MLLT1: variants seen among roughly 807,000 people sequenced by gnomAD.
MLLT1 encodes the protein MLLT1 super elongation complex subunit, also known as protein ENL.
A neutral mutation model predicts 55.1 loss-of-function variants in MLLT1; 11 were observed. The ratio of observed to expected loss-of-function variants is 0.20; its 90% CI spans 0.13 to 0.33. The LOEUF is 0.33. MLLT1 is among the 10% of genes least tolerant of loss of function. The pLI, the probability that MLLT1 is intolerant of heterozygous loss-of-function variation, is 1.00. For missense variants in MLLT1, 536 were observed against 760.6 expected (o/e 0.70, Z 3.47); for synonymous variants, 323 against 320.1 (o/e 1.01, Z -0.10).
intron 2 of MLLT1, among the ~76,000 whole-genome samples, chr19:6,268,837 A>C (rs2144956188): frequency 6.6e-6 from 1 of 152,330 alleles, no homozygotes; most frequent in Admixed American, 6.5e-5. Flanking sequence ...CAAACAAAAA[A>C]CAAAACAAAA....
chr19:6,215,685 G>C (rs1161639705), intron 8 of MLLT1, among the ~76,000 whole-genome samples: 4 of 152,224 alleles, frequency 2.6e-5, no homozygotes, highest in African/African-American at 9.6e-5. Flanking sequence ...GTCTCCAGTA[G>C]GAGCCACTGA....
intron 3 of MLLT1, among the ~76,000 whole-genome samples, chr19:6,238,173 G>A (rs562569554): frequency 3.9e-5 from 6 of 152,324 alleles, no homozygotes; most frequent in South Asian, 2.1e-4. Context: ...TTTAAAAGAC[G>A]TATGTCCACA....
chr19:6,230,473 GC>G lies in MLLT1; in HGVS notation c.420+96del. On this transcript the variant is annotated intron_variant, in intron 4 of 11. Coordinates refer to ENST00000252674, the MANE Select transcript of MLLT1 (RefSeq NM_005934.4). The surrounding 1 kb of genome is among the most constrained non-coding windows in gnomAD (Gnocchi z 9.0). ...CGTGTGACCTGCGCCTTGGGTCTCG[GC>G]CCCCAGCACCGACACCTCTGGCTGG... is the stretch of plus-strand genomic sequence containing the variant. 4 of 1,473,304 alleles carry G rather than the reference GC, an allele frequency of 2.7e-6. No homozygotes were observed. Among genetic ancestry groups the G allele is most frequent in the Non-Finnish European group, 3.7e-6 (4 of 1,089,984 alleles). 91.3% of individuals were successfully genotyped at this position (1,473,304 alleles called of 1,614,324 possible). A position where few individuals can be genotyped will look rare whatever the true frequency, so the allele number is the denominator to read the frequency against.
rs1406511841 is a variant in MLLT1 at position 6,273,342 on chromosome 19, A to T, written c.13-2583T>A. ...CCCGAGGGTGGAGGACATTCAGGTA[A>T]CCCCAAGATCCGGGCAGCAGGGACA... On this transcript the variant is annotated intron_variant, in intron 1 of 11. Coordinates refer to ENST00000252674, the MANE Select transcript of MLLT1 (RefSeq NM_005934.4). The surrounding 1 kb of genome is among the most constrained non-coding windows in gnomAD (Gnocchi z 4.3). Among the ~76,000 whole-genome samples, 1 of 152,060 alleles carries T rather than the reference A, an allele frequency of 6.6e-6. No individual in the cohort carries two copies. Among genetic ancestry groups the T allele is most frequent in the Non-Finnish European group, 1.5e-5 (1 of 68,000 alleles).
At position 6,226,948 on chromosome 19, in the gene MLLT1, C is replaced by T; in HGVS notation, c.546+29G>A. On this transcript the variant is annotated intron_variant, in intron 5 of 11. Coordinates refer to ENST00000252674, the MANE Select transcript of MLLT1 (RefSeq NM_005934.4). The surrounding 1 kb of genome is among the most constrained non-coding windows in gnomAD (Gnocchi z 6.3). ...CACCACAGCTGGGCCCCGGCGCTCCCACGCGACTGGGCCTTCCGCCTCACT... is the reference window on the plus strand; with the variant it reads ...CACCACAGCTGGGCCCCGGCGCTCCTACGCGACTGGGCCTTCCGCCTCACT... The T allele has an allele frequency of 6.5e-7, 1 of 1,539,636 alleles. No individual in the cohort carries two copies. Among genetic ancestry groups the T allele is most frequent in the Non-Finnish European group, 8.7e-7 (1 of 1,144,258 alleles).
chr19:6,251,075 G>C (rs552538176), intron 3 of MLLT1, among the ~76,000 whole-genome samples: 3 of 152,176 alleles, frequency 2.0e-5, no homozygotes, highest in African/African-American at 7.2e-5. Context: ...ATGAGTAGCT[G>C]CCAGGAACAG....
chr19:6,239,094 C>T (rs968404232), intron 3 of MLLT1, among the ~76,000 whole-genome samples: 3 of 152,244 alleles, frequency 2.0e-5, no homozygotes, highest in Non-Finnish European at 4.4e-5. Context: ...CCCACTAGTC[C>T]ACACATGAAA....
chr19:6,228,428 T>C (rs1431509318), intron 4 of MLLT1, among the ~76,000 whole-genome samples: 1 of 151,996 alleles, frequency 6.6e-6, no homozygotes, highest in Admixed American at 6.5e-5. Context: ...CGCAGATGAC[T>C]CCCACCTCCA....
chr19:6,240,602 G>C lies in MLLT1; in HGVS notation c.277-9889C>G, dbSNP rs1285661221. Among the ~76,000 whole-genome samples, 4 of 152,190 alleles carry C rather than the reference G, an allele frequency of 2.6e-5. No individual in the cohort carries two copies. In the East Asian group the frequency reaches 7.7e-4, roughly 29 times the overall value. On this transcript the variant is annotated intron_variant, in intron 3 of 11. Transcript: ENST00000252674. This position sits in a 1 kb window ranked among gnomAD's most constrained non-coding sequence, Gnocchi z 4.7. ...CGGGATACACCGTTGGGAGAAGAAAGCAAACCACGAGACTGAGAGCACCAC... is the reference window on the plus strand; with the variant it reads ...CGGGATACACCGTTGGGAGAAGAAACCAAACCACGAGACTGAGAGCACCAC...
rs1187623715 is a variant in MLLT1, at chr19:6,231,575, G to A, written c.277-862C>T. Among the ~76,000 whole-genome samples, 8 of 151,820 alleles carry A rather than the reference G, an allele frequency of 5.3e-5. No individual in the cohort carries two copies. Among genetic ancestry groups the A allele is most frequent in the African/African-American group, 9.7e-5 (4 of 41,312 alleles). On this transcript the variant is annotated intron_variant, in intron 3 of 11. Coordinates refer to ENST00000252674, the MANE Select transcript of MLLT1 (RefSeq NM_005934.4). The surrounding 1 kb of genome is among the most constrained non-coding windows in gnomAD (Gnocchi z 5.1). ...TGCCCAGGCTGGAGTGCAGTGGCGC[G>A]ATCTCGGCTCACTGCAAGCTCCACC...
chr19:6,216,403 A>C lies in MLLT1; in HGVS notation c.1307+2T>G. ...GCCCCCTGGCTCCCACCGGGCCGTCACCTGGAGTCCCTCCCCGGGTTGGTC... is the reference window on the plus strand; with the variant it reads ...GCCCCCTGGCTCCCACCGGGCCGTCCCCTGGAGTCCCTCCCCGGGTTGGTC... On this transcript the variant is annotated splice_donor_variant, in intron 8 of 11. Transcript: ENST00000252674. LOFTEE classifies it high-confidence loss of function. The C allele has an allele frequency of 6.2e-7, 1 of 1,601,756 alleles. No individual in the cohort carries two copies. Among genetic ancestry groups the C allele is most frequent in the Non-Finnish European group, 8.5e-7 (1 of 1,175,262 alleles).
At chr19:6,218,629 T>C (rs1335546516) in intron 6 of MLLT1, among the ~76,000 whole-genome samples, 5 of 152,140 alleles carry the variant, frequency 3.3e-5, no homozygotes, top group Non-Finnish European at 7.4e-5. Flanking sequence ...ACCCGCCTCC[T>C]CCTCCTGCAG....
chr19:6,267,826 A>C (rs1026290981), intron 2 of MLLT1, among the ~76,000 whole-genome samples: 2 of 152,242 alleles, frequency 1.3e-5, no homozygotes, highest in Non-Finnish European at 2.9e-5. Context: ...AGAGGGGTGC[A>C]GCAGGGTCAA....
intron 1 of MLLT1, among the ~76,000 whole-genome samples, chr19:6,279,534 G>C (rs185464242): frequency 0.018 from 2,729 of 151,974 alleles, 95 homozygotes; most frequent in African/African-American, 0.063. Context: ...GTCACCAGGG[G>C]CGTCCCAAGG....
At position 6,222,277 on chromosome 19, in the gene MLLT1, G is replaced by A. The variant is rs1410073934; in HGVS notation, c.954C>T (p.Thr318=). The A allele has an allele frequency of 6.2e-7, 1 of 1,611,720 alleles. No individual in the cohort carries two copies. The part of the protein sequence containing the change: ...SRSAPGTSPR[T]SSSSSFSDKK... ...TGTCCGAGAAGGAGGAGGAGGAGGA[G>A]GTGCGGGGCGAGGTGCCTGGAGCAC... is the stretch of plus-strand genomic sequence containing the variant. The change falls in exon 6 of 12, where the codon ACC becomes ACT. Residue 318 remains threonine, a synonymous_variant. Transcript: ENST00000252674. This position sits in a 1 kb window ranked among gnomAD's most constrained non-coding sequence, Gnocchi z 4.1.
intron 2 of MLLT1, among the ~76,000 whole-genome samples, chr19:6,265,043 A>AAAAAAAAAAAAC (rs1338600502): frequency 1.8e-5 from 1 of 56,450 alleles, no homozygotes; most frequent in Non-Finnish European, 4.1e-5. Context: ...AACAGCAAAA[A>AAAAAAAAAAAAC]AAAAACAAAA....
intron 3 of MLLT1, among the ~76,000 whole-genome samples, chr19:6,242,060 G>T: frequency 6.6e-6 from 1 of 152,358 alleles, no homozygotes. Context: ...GCGCCAGCAG[G>T]TCAGGGGCAA....
Position 6,230,550 on chromosome 19 carries a change from C to A in MLLT1, c.420+20G>T, listed in dbSNP as rs746983756. 1.2e-6 allele frequency: 2 copies of A among 1,610,844 alleles called. No individual in the cohort carries two copies. Among genetic ancestry groups the A allele is most frequent in the Non-Finnish European group, 1.7e-6 (2 of 1,179,298 alleles). ...CTCGGTGGAGCGGCCCCTTGGCGGG[C>A]AGGGGCGGGGCACACTCACCCCGCC... On this transcript the variant is annotated intron_variant, in intron 4 of 11. Coordinates refer to ENST00000252674, the MANE Select transcript of MLLT1 (RefSeq NM_005934.4). This position sits in a 1 kb window ranked among gnomAD's most constrained non-coding sequence, Gnocchi z 9.0.
In MLLT1 at chr19:6,211,978, C is replaced by T. The variant is rs1037090593; in HGVS notation, c.*1064G>A. 4.7e-5 allele frequency: 50 copies of T among 1,065,554 alleles called. No individual in the cohort carries two copies. In the Admixed American group the frequency reaches 1.4e-3, roughly 30 times the overall value. The allele number at this position is 1,065,554 out of a possible 1,614,324, so 66.0% of individuals were successfully genotyped here. ...CCAACCCACCGGGCCTGCTGATGGC[C>T]GAGCCCACGCTCGAGGGGCTGACCA... On this transcript the variant is annotated 3_prime_UTR_variant, in exon 12 of 12. Coordinates refer to ENST00000252674, the MANE Select transcript of MLLT1 (RefSeq NM_005934.4). This position sits in a 1 kb window ranked among gnomAD's most constrained non-coding sequence, Gnocchi z 4.6.
Sources: allele counts gnomAD v4.1 joint callset (sites outside exome capture counted in the v4.1 genomes callset), GRCh38; gene constraint gnomAD v4.1.1; non-coding constraint Gnocchi (gnomAD v3.1); transcripts MANE v1.5; gene names NCBI Gene and HGNC (gene_info 2026-07-23, HGNC 2026-07-21).